Variants in FAT4 observed in about 807,000 individuals in gnomAD.
The protein encoded by FAT4 is protocadherin Fat 4.
Under a neutral mutation model 303.9 loss-of-function variants are expected in FAT4, and 84 were observed. The observed-to-expected ratio is 0.28, with a 90% confidence interval of 0.23 to 0.33. The LOEUF is 0.33. FAT4 is among the 10% of genes least tolerant of loss of function. The pLI, the probability that FAT4 is intolerant of heterozygous loss-of-function variation, is 1.00. For missense variants in FAT4, 6,005 were observed against 6,146.8 expected (o/e 0.98, Z 0.77); for synonymous variants, 2,307 against 2,298.8 (o/e 1.00, Z -0.10).
chr4:125,392,988 T>TA (rs1381091505), intron 2 of FAT4, among the ~76,000 whole-genome samples: 1 of 152,162 alleles, frequency 6.6e-6, no homozygotes, highest in Non-Finnish European at 1.5e-5. Flanking sequence ...TGACTCTCTG[T>TA]AAAATAACAG....
At chr4:125,439,383 C>T (rs1232022890) in intron 8 of FAT4, among the ~76,000 whole-genome samples, 1 of 150,380 alleles carries the variant, frequency 6.6e-6, no homozygotes. Flanking sequence ...CCCAGGCTGG[C>T]GTGCTGCGTC....
At chr4:125,443,637 G>A (rs1231422125) in intron 8 of FAT4, among the ~76,000 whole-genome samples, 2 of 152,168 alleles carry the variant, frequency 1.3e-5, no homozygotes, top group Non-Finnish European at 1.5e-5. Flanking sequence ...TATATAAATT[G>A]CCCAGTAGTG....
rs573156892 is a variant in FAT4 at position 125,460,172 on chromosome 4, A to G, written c.11801-3391A>G. 3.9e-5 allele frequency among the ~76,000 whole-genome samples: 6 copies of G among 152,186 alleles called. No individual in the cohort carries two copies. The East Asian group carries it at 1.2e-3, about 29-fold the overall frequency. On this transcript the variant is annotated intron_variant, in intron 10 of 17. Coordinates refer to ENST00000394329, the MANE Select transcript of FAT4 (RefSeq NM_001291303.3). ...TTTTACTCTTTAAATGGAGAACTCA[A>G]TTTTTAAATAGTAAATAATTTACAT...
chr4:125,413,407 T>A (rs1425275944), intron 5 of FAT4, among the ~76,000 whole-genome samples: 1 of 151,788 alleles, frequency 6.6e-6, no homozygotes, highest in African/African-American at 2.4e-5. Flanking sequence ...TAGTCTTAAA[T>A]AAACTATAAA....
At chr4:125,463,042 A>T (rs990686796) in intron 10 of FAT4, among the ~76,000 whole-genome samples, 1 of 152,078 alleles carries the variant, frequency 6.6e-6, no homozygotes. Context: ...AGCATTTGAA[A>T]ATATGATGTG....
At position 125,451,753 on chromosome 4, in the gene FAT4, C is replaced by T; in HGVS notation, c.10743C>T (p.Asp3581=). 1 of 1,614,194 alleles carries T rather than the reference C, an allele frequency of 6.2e-7. No homozygotes were observed. The highest frequency in any genetic ancestry group is 8.5e-7 in the Non-Finnish European group (1 of 1,180,040). ...AGATTGACAGAGAGCAGATTGCAGA[C>T]TTCTATCTGTCTGTGGTTACCAAGG... is the stretch of plus-strand genomic sequence containing the variant. The part of the protein sequence containing the change: ...TREIDREQIA[D]FYLSVVTKDS... The change falls in exon 10 of 18, where the codon GAC becomes GAT. Residue 3581 remains aspartate (D), a synonymous_variant. Coordinates refer to ENST00000394329, the MANE Select transcript of FAT4 (RefSeq NM_001291303.3).
chr4:125,415,195 G>C lies in FAT4; in HGVS notation c.6232G>C (p.Asp2078His). The stretch of plus-strand genomic sequence containing the variant: ...TTTCAAAGCTCAAGCAACTGACCCA[G>C]ATAGTGGCCCAAACAGCTATATTGA... The part of the protein sequence containing the change: ...VVFKAQATDP[D>H]SGPNSYIEYT... The change falls in exon 6 of 18, where the codon GAT becomes CAT. Residue 2078 changes from aspartate to histidine, a missense_variant. Transcript: ENST00000394329. 3 of 1,614,106 alleles carry C rather than the reference G, an allele frequency of 1.9e-6. No homozygotes were observed. Among genetic ancestry groups the C allele is most frequent in the Non-Finnish European group, 2.5e-6 (3 of 1,179,992 alleles).
chr4:125,356,547 TTG>T (rs1396029232), intron 2 of FAT4, among the ~76,000 whole-genome samples: 30 of 106,356 alleles, frequency 2.8e-4, no homozygotes, highest in African/African-American at 6.6e-4. Context: ...GTTTTGTTTT[TTG>T]TTTTTTTTTT....
chr4:125,487,555 A>C lies in FAT4; in HGVS notation c.13033A>C (p.Ile4345Leu). The change falls in exon 17 of 18, where the codon ATA becomes CTA. Residue 4345 changes from isoleucine (I) to leucine (L), a missense_variant. By Grantham distance (5) the Ile-to-Leu change is conservative. Transcript: ENST00000394329. ...QDFGGLDVLT[I>L]SLGGIPPNQA... is the part of the protein sequence containing the mutation. ...CTTCGGTGGCCTTGATGTGCTTACT[A>C]TATCACTTGGAGGAATTCCACCCAA... The C allele has an allele frequency of 6.2e-7, 1 of 1,613,454 alleles. No homozygotes were observed. Among genetic ancestry groups the C allele is most frequent in the Non-Finnish European group, 8.5e-7 (1 of 1,179,636 alleles).
At chr4:125,369,734 C>T (rs1733032096) in intron 2 of FAT4, among the ~76,000 whole-genome samples, 1 of 152,066 alleles carries the variant, frequency 6.6e-6, no homozygotes, top group African/African-American at 2.4e-5. Flanking sequence ...GTTTTTGTTT[C>T]CCAAACTGAA....
At chr4:125,387,150 A>G (rs1233285152) in intron 2 of FAT4, among the ~76,000 whole-genome samples, 1 of 152,180 alleles carries the variant, frequency 6.6e-6, no homozygotes, top group Non-Finnish European at 1.5e-5. Flanking sequence ...GCCACAAACC[A>G]GTACCGGTCT....
chr4:125,465,113 C>T (rs1726617110), intron 11 of FAT4, among the ~76,000 whole-genome samples: 1 of 151,980 alleles, frequency 6.6e-6, no homozygotes, highest in Admixed American at 6.6e-5. Context: ...TTTTGAGGCC[C>T]AGAAATTGGC....
At chr4:125,479,621 T>G in intron 14 of FAT4, 120 bp from the exon 15 acceptor site, 1 of 974,006 alleles carries the variant, frequency 1.0e-6, no homozygotes, top group Non-Finnish European at 1.4e-6. Context: ...TAGTTGTAAC[T>G]TGAGCTTCAA....
chr4:125,361,463 A>G (rs530776364), intron 2 of FAT4, among the ~76,000 whole-genome samples: 6 of 152,110 alleles, frequency 3.9e-5, no homozygotes, highest in Non-Finnish European at 5.9e-5. Context: ...ATATAAAGTC[A>G]TTGTCTTTGT....
chr4:125,398,934 T>C lies in FAT4; in HGVS notation c.5307+19T>C. The C allele has an allele frequency of 6.2e-7, 1 of 1,611,776 alleles. No individual in the cohort carries two copies. Among genetic ancestry groups the C allele is most frequent in the Non-Finnish European group, 8.5e-7 (1 of 1,178,404 alleles). The stretch of plus-strand genomic sequence containing the variant: ...TGATGAGGTAGCTCAAGCATGTCTC[T>C]GAATTTGTGAAACTTCGTAGTGCAG... On this transcript the variant is annotated intron_variant, in intron 3 of 17. Coordinates refer to ENST00000394329, the MANE Select transcript of FAT4 (RefSeq NM_001291303.3).
At chr4:125,402,200 G>C (rs937504693) in intron 3 of FAT4, among the ~76,000 whole-genome samples, 1 of 151,834 alleles carries the variant, frequency 6.6e-6, no homozygotes, top group Non-Finnish European at 1.5e-5. Context: ...ATTTATTACA[G>C]CCCATTTGTA....
intron 11 of FAT4, among the ~76,000 whole-genome samples, chr4:125,464,337 C>T (rs536706487): frequency 6.6e-6 from 1 of 152,232 alleles, no homozygotes; most frequent in African/African-American, 2.4e-5. Context: ...CCAGCTGTTA[C>T]CCATTACTGT....
intron 12 of FAT4, among the ~76,000 whole-genome samples, chr4:125,471,099 A>G (rs1442808124): frequency 6.6e-6 from 1 of 152,258 alleles, no homozygotes; most frequent in East Asian, 1.9e-4. Flanking sequence ...CCAGAGACAG[A>G]TAATTGCTGG....
Position 125,415,029 on chromosome 4 carries a change from C to G in FAT4, c.6066C>G (p.Asp2022Glu). 6.2e-7 allele frequency: 1 copy of G among 1,614,020 alleles called. No homozygotes were observed. Among genetic ancestry groups the G allele is most frequent in the Admixed American group, 1.7e-5 (1 of 59,990 alleles). Reference sequence around the variant, plus strand: ...ACAACTTGGTTGTTCAAGTGCATGACCTGCCACAGATTCCAGCCTCCAGAT... The same window carrying G: ...ACAACTTGGTTGTTCAAGTGCATGAGCTGCCACAGATTCCAGCCTCCAGAT... ...SFYNLVVQVH[D>E]LPQIPASRFT... The change falls in exon 6 of 18, where the codon GAC (aspartate) becomes GAG (glutamate). Residue 2022 changes from aspartate (D) to glutamate (E), a missense_variant. By Grantham distance (45) the Asp-to-Glu change is conservative (BLOSUM62 2). Transcript: ENST00000394329.
Sources: gnomAD v4.1 joint callset for allele counts (sites outside exome capture counted in the v4.1 genomes callset) on GRCh38, gnomAD v4.1.1 for gene constraint, MANE v1.5 for transcripts, NCBI Gene and HGNC (gene_info 2026-07-23, HGNC 2026-07-21) for gene names.